Variants in FRRS1 observed in about 807,000 individuals in gnomAD.
The protein encoded by FRRS1 is ferric reductase 1.
FRRS1 carries 51 observed loss-of-function variants against 70.7 expected under a neutral mutation model. That is an observed-to-expected ratio of 0.72 (90% CI 0.58 to 0.91). The LOEUF is 0.91. FRRS1 is among the 40% of genes least tolerant of loss of function. The pLI is 0.00. For synonymous variants in FRRS1, 225 were observed against 238.7 expected, an observed-to-expected ratio of 0.94 and a Z score of 0.53; for missense variants, 672 against 726.0, an observed-to-expected ratio of 0.93 and a Z score of 0.86.
intron 4 of FRRS1, among the ~76,000 whole-genome samples, chr1:99,744,949 G>T (rs552646174): frequency 8.5e-5 from 11 of 129,954 alleles, no homozygotes; most frequent in Admixed American, 1.8e-4. Context: ...CAGCCTGGGC[G>T]ACAGAGGGAG....
intron 15 of FRRS1, among the ~76,000 whole-genome samples, chr1:99,709,772 A>G (rs1212460332): frequency 6.6e-6 from 1 of 152,130 alleles, no homozygotes; most frequent in East Asian, 1.9e-4. Flanking sequence ...GTTTGAGATC[A>G]GCCTGGGCAA....
At chr1:99,756,292 A>C (rs1656832067) in intron 1 of FRRS1, among the ~76,000 whole-genome samples, 1 of 152,226 alleles carries the variant, frequency 6.6e-6, no homozygotes, top group Admixed American at 6.5e-5. Flanking sequence ...AAAAACCAAA[A>C]GAGCAGTTAT....
In FRRS1 at chr1:99,747,322, G is replaced by A. The variant is rs756656470; in HGVS notation, c.305C>T (p.Ser102Leu). The change falls in exon 4 of 17, where the codon TCA (serine) becomes TTA (leucine). Residue 102 changes from serine (S) to leucine (L), a missense_variant. Ser to Leu is a moderately radical substitution (Grantham distance 145). Transcript: ENST00000646001. ...TATATCTTCACAGGTCAAAAGTTGT[G>A]ACACTTCACTGTCAATCAATGTGAA... ...GSFTLIDSEVSQLLTCEDIQG... is the reference protein window; with the variant it reads ...GSFTLIDSEVLQLLTCEDIQG... 6.2e-7 allele frequency: 1 copy of A among 1,613,674 alleles called. No individual in the cohort carries two copies. The highest frequency in any genetic ancestry group is 1.7e-5 in the Admixed American group (1 of 59,918).
Position 99,729,503 on chromosome 1 carries a change from T to G in FRRS1, c.858+147A>C, listed in dbSNP as rs111243110. ...TAGAAAAGTTTCTCAGAAATCATTATGAGAGGAGCCCTGCTGGCAGGCCCC... is the reference window on the plus strand; with the variant it reads ...TAGAAAAGTTTCTCAGAAATCATTAGGAGAGGAGCCCTGCTGGCAGGCCCC... On this transcript the variant is annotated intron_variant, in intron 8 of 16. Coordinates refer to ENST00000646001, the MANE Select transcript of FRRS1 (RefSeq NM_001361041.2). 371 of 539,170 alleles carry G rather than the reference T, an allele frequency of 6.9e-4. 5 individuals are homozygous for G. The highest frequency in any genetic ancestry group is 1.5e-3 in the Middle Eastern group (3 of 2,046). 33.4% of individuals were successfully genotyped at this position (539,170 alleles called of 1,614,324 possible). A position where few individuals can be genotyped will look rare whatever the true frequency, so the allele number is the denominator to read the frequency against.
At chr1:99,719,776 A>G (rs936672485) in intron 9 of FRRS1, 129 bp from the exon 10 acceptor site, 2 of 593,956 alleles carry the variant, frequency 3.4e-6, no homozygotes, top group Non-Finnish European at 5.9e-6. Flanking sequence ...AAATATCAAC[A>G]GAGATGTCAT....
chr1:99,708,625 A>ATAT lies in FRRS1; in HGVS notation c.*402_*403insATA, dbSNP rs60282767. ...AAAAAAAAAAAAAAAAAAAAAAAAA[A>ATAT]ATATATATATATATATATATATATA... On this transcript the variant is annotated 3_prime_UTR_variant, in exon 17 of 17. Coordinates refer to ENST00000646001, the MANE Select transcript of FRRS1 (RefSeq NM_001361041.2). 2 of 52,740 alleles carry ATAT rather than the reference A, an allele frequency of 3.8e-5. No homozygotes were observed. The highest frequency in any genetic ancestry group is 8.6e-5 in the African/African-American group (1 of 11,684). The allele number at this position is 52,740 out of a possible 1,614,324, so 3.3% of individuals were successfully genotyped here.
intron 9 of FRRS1, among the ~76,000 whole-genome samples, chr1:99,725,429 T>G (rs913918695): frequency 4.6e-5 from 7 of 152,398 alleles, no homozygotes; most frequent in Middle Eastern, 6.8e-3. Flanking sequence ...AACCCCATCC[T>G]AGAGCAGTAA....
intron 1 of FRRS1, among the ~76,000 whole-genome samples, chr1:99,750,677 G>GGA (rs1553174385): frequency 4.3e-5 from 6 of 140,546 alleles, no homozygotes; most frequent in African/African-American, 1.3e-4. Context: ...AAACTGAAAA[G>GGA]AAAAAAAAAA....
intron 7 of FRRS1, 23 bp from the exon 8 acceptor site, chr1:99,729,771 A>G: frequency 6.7e-7 from 1 of 1,484,826 alleles, no homozygotes; most frequent in Non-Finnish European, 9.4e-7. Flanking sequence ...TGCAAATGAG[A>G]AAAAAAGCTC....
At chr1:99,759,825 T>C (rs1011564982) in intron 1 of FRRS1, among the ~76,000 whole-genome samples, 3 of 152,204 alleles carry the variant, frequency 2.0e-5, no homozygotes, top group Non-Finnish European at 4.4e-5. Context: ...TTATTAGAGA[T>C]GAGGAAACTG....
At chr1:99,727,369 G>A (rs1402663634) in intron 9 of FRRS1, among the ~76,000 whole-genome samples, 2 of 152,060 alleles carry the variant, frequency 1.3e-5, no homozygotes, top group East Asian at 1.9e-4. Flanking sequence ...GCAAACAAGA[G>A]CAAATGATTT....
At position 99,759,080 on chromosome 1, in the gene FRRS1, A is replaced by G. The variant is rs1856402; in HGVS notation, c.-106+7527T>C. On this transcript the variant is annotated intron_variant, in intron 1 of 16. Coordinates refer to ENST00000646001, the MANE Select transcript of FRRS1 (RefSeq NM_001361041.2). ...CGGCTGAACATAGACCCTTATCAGTAGTTCTGCTTTTGCCCTTTGTCCTGT... is the reference window on the plus strand; with the variant it reads ...CGGCTGAACATAGACCCTTATCAGTGGTTCTGCTTTTGCCCTTTGTCCTGT... 7.0e-3 allele frequency among the ~76,000 whole-genome samples: 1,060 copies of G among 152,260 alleles called. 18 individuals carry two copies. Among genetic ancestry groups the G allele is most frequent in the African/African-American group, 0.024 (1,013 of 41,524 alleles).
intron 1 of FRRS1, among the ~76,000 whole-genome samples, chr1:99,752,514 C>T (rs535644433): frequency 3.0e-4 from 46 of 152,124 alleles, no homozygotes; most frequent in Non-Finnish European, 6.0e-4. Flanking sequence ...ATTAAGTTTG[C>T]CATCTTATAC....
chr1:99,729,808 C>A (rs1421174756), intron 7 of FRRS1, 60 bp from the exon 8 acceptor site: 2 of 1,165,734 alleles, frequency 1.7e-6, no homozygotes, highest in Non-Finnish European at 2.5e-6. Context: ...TTTATTTTCT[C>A]TTTTTAAAAA....
intron 1 of FRRS1, among the ~76,000 whole-genome samples, chr1:99,755,067 A>G (rs772980830): frequency 3.9e-5 from 6 of 152,134 alleles, no homozygotes; most frequent in Non-Finnish European, 7.3e-5. Context: ...AGATTTCTCC[A>G]TGGAGAAAAT....
intron 1 of FRRS1, among the ~76,000 whole-genome samples, chr1:99,760,728 C>A (rs1349904743): frequency 6.6e-6 from 1 of 152,160 alleles, no homozygotes; most frequent in African/African-American, 2.4e-5. Context: ...TAGCTCACTG[C>A]AACCTCCGCT....
At chr1:99,762,323 C>T (rs1352278418) in intron 1 of FRRS1, among the ~76,000 whole-genome samples, 2 of 152,108 alleles carry the variant, frequency 1.3e-5, no homozygotes, top group African/African-American at 4.8e-5. Context: ...TTTTTGGAGG[C>T]AGTAAGGAAG....
In FRRS1 at chr1:99,757,887, T is replaced by A. The variant is rs117080250; in HGVS notation, c.-106+8720A>T. On this transcript the variant is annotated intron_variant, in intron 1 of 16. Coordinates refer to ENST00000646001, the MANE Select transcript of FRRS1 (RefSeq NM_001361041.2). ...TATAATATTTGGAAACCAAAAAGTA[T>A]CTATGACAGGTTTTAATCAACTTAG... Among the ~76,000 whole-genome samples the A allele has an allele frequency of 5.3e-5, 8 of 152,130 alleles. No individual in the cohort carries two copies. The East Asian group carries it at 1.5e-3, about 29-fold the overall frequency.
At chr1:99,738,301 A>G (rs777721627) in intron 6 of FRRS1, 33 bp from the exon 7 acceptor site, 1 of 1,513,782 alleles carries the variant, frequency 6.6e-7, no homozygotes, top group Non-Finnish European at 8.9e-7. Context: ...AAAAATCTTA[A>G]TTATCAAACA....
Sources: gnomAD v4.1 joint callset for allele counts (sites outside exome capture counted in the v4.1 genomes callset) on GRCh38, gnomAD v4.1.1 for gene constraint, MANE v1.5 for transcripts, NCBI Gene and HGNC (gene_info 2026-07-23, HGNC 2026-07-21) for gene names.